Variants in SDK1 observed in about 807,000 individuals in gnomAD.
The protein encoded by SDK1 is sidekick cell adhesion molecule 1.
A neutral mutation model predicts 245.5 loss-of-function variants in SDK1; 157 were observed. The observed-to-expected ratio is 0.64, with a 90% CI of 0.56 to 0.73. The LOEUF (loss-of-function observed/expected upper bound fraction) is 0.73, where lower values mean the gene tolerates loss of function less well. SDK1 is among the 30% of genes least tolerant of loss of function. The pLI, the probability that SDK1 is intolerant of heterozygous loss-of-function variation, is 0.00. For synonymous variants in SDK1, 1,647 were observed against 1,278.5 expected, an observed-to-expected ratio of 1.29 and a Z score of -6.15; for missense variants, 3,583 against 3,002.3, an observed-to-expected ratio of 1.19 and a Z score of -4.52.
intron 1 of SDK1, among the ~76,000 whole-genome samples, chr7:3,541,789 C>T (rs1247294303): frequency 6.6e-6 from 1 of 152,104 alleles, no homozygotes; most frequent in African/African-American, 2.4e-5. Flanking sequence ...ATGACTTAGG[C>T]AAATAAGGTA....
Position 4,146,037 on chromosome 7 carries a change from G to T in SDK1, c.4423+121G>T, listed in dbSNP as rs1779951154. On this transcript the variant is annotated intron_variant, in intron 29 of 44. Coordinates refer to ENST00000404826, the MANE Select transcript of SDK1 (RefSeq NM_152744.4). ...GGCCTTCCCTTCGGAGAAAGAGAAG[G>T]GATGTGAGCATTTACAAAGCACCCA... The T allele has an allele frequency of 2.4e-6, 2 of 839,936 alleles. 1 individual carries two copies. The highest frequency in any genetic ancestry group is 3.6e-5 in the South Asian group (2 of 55,628). 52.0% of individuals were successfully genotyped at this position (839,936 alleles called of 1,614,324 possible).
chr7:3,788,733 C>T (rs1051105845), intron 4 of SDK1, among the ~76,000 whole-genome samples: 5 of 152,108 alleles, frequency 3.3e-5, no homozygotes, highest in Non-Finnish European at 5.9e-5. Context: ...CAAAGCAGTC[C>T]GCGGGTTGGG....
At chr7:3,339,359 T>C (rs1280382285) in intron 1 of SDK1, among the ~76,000 whole-genome samples, 1 of 152,084 alleles carries the variant, frequency 6.6e-6, no homozygotes, top group Non-Finnish European at 1.5e-5. Flanking sequence ...ATAACTGAAG[T>C]CTTAAACACC....
chr7:3,958,879 C>G, intron 7 of SDK1, 52 bp from the exon 8 acceptor site: 1 of 1,409,302 alleles, frequency 7.1e-7, no homozygotes. Context: ...TATATGGTCT[C>G]TGACATATCC....
chr7:3,853,819 T>C (rs1436505701), intron 5 of SDK1, among the ~76,000 whole-genome samples: 1 of 152,058 alleles, frequency 6.6e-6, no homozygotes, highest in Non-Finnish European at 1.5e-5. Flanking sequence ...TGAAACCTCC[T>C]CTCTACTAAA....
chr7:3,460,813 A>G (rs1780810729), intron 1 of SDK1, among the ~76,000 whole-genome samples: 1 of 152,326 alleles, frequency 6.6e-6, no homozygotes, highest in Non-Finnish European at 1.5e-5. Context: ...CTACTTACAG[A>G]AACCATTTTA....
chr7:3,379,756 C>A (rs1159327037), intron 1 of SDK1, among the ~76,000 whole-genome samples: 2 of 152,062 alleles, frequency 1.3e-5, no homozygotes, highest in Non-Finnish European at 2.9e-5. Context: ...CACATACATA[C>A]ATATAGGCTG....
At chr7:4,177,327 A>G (rs1446494244) in intron 34 of SDK1, among the ~76,000 whole-genome samples, 2 of 152,200 alleles carry the variant, frequency 1.3e-5, no homozygotes, top group African/African-American at 4.8e-5. Flanking sequence ...CAAGCCACCC[A>G]CAGAGCAGTG....
intron 1 of SDK1, among the ~76,000 whole-genome samples, chr7:3,317,832 G>T (rs1779700910): frequency 6.6e-6 from 1 of 152,170 alleles, no homozygotes; most frequent in African/African-American, 2.4e-5. Context: ...TAAACTAGGA[G>T]CCTAAGGTAA....
chr7:3,606,820 T>C (rs1310432516), intron 1 of SDK1, among the ~76,000 whole-genome samples: 2 of 151,660 alleles, frequency 1.3e-5, no homozygotes, highest in Non-Finnish European at 2.9e-5. Flanking sequence ...GGTGTTTCTG[T>C]TATTATTCTG....
intron 5 of SDK1, among the ~76,000 whole-genome samples, chr7:3,845,916 T>A (rs1780266631): frequency 6.6e-6 from 1 of 152,326 alleles, no homozygotes; most frequent in African/African-American, 2.4e-5. Flanking sequence ...GAAATGAAAT[T>A]TGATTTGAGC....
intron 2 of SDK1, among the ~76,000 whole-genome samples, chr7:3,621,845 A>G (rs1378488928): frequency 6.6e-6 from 1 of 152,224 alleles, no homozygotes; most frequent in Admixed American, 6.5e-5. Context: ...TTATTTGCAA[A>G]TCGTTGAATA....
chr7:4,068,240 C>T (rs921214511), intron 20 of SDK1, among the ~76,000 whole-genome samples: 2 of 152,208 alleles, frequency 1.3e-5, no homozygotes, highest in South Asian at 4.1e-4. Context: ...TGTTATGACA[C>T]ATTTGTTCAC....
chr7:3,507,346 T>C (rs1342841890), intron 1 of SDK1, among the ~76,000 whole-genome samples: 1 of 152,180 alleles, frequency 6.6e-6, no homozygotes, highest in East Asian at 1.9e-4. Context: ...ACTCCTTCTG[T>C]TTTTGTATTC....
At chr7:3,884,092 T>G (rs1781279362) in intron 5 of SDK1, among the ~76,000 whole-genome samples, 1 of 100,604 alleles carries the variant, frequency 9.9e-6, no homozygotes, top group African/African-American at 3.8e-5. Flanking sequence ...TGTTTTTTTT[T>G]TTTTTTGAGA....
At chr7:4,172,182 G>A (rs1269715830) in intron 32 of SDK1, among the ~76,000 whole-genome samples, 2 of 152,232 alleles carry the variant, frequency 1.3e-5, no homozygotes, top group African/African-American at 4.8e-5. Context: ...TCACAGGGGT[G>A]TCAGAAAGTC....
chr7:3,964,545 C>T (rs1781948103), intron 9 of SDK1, among the ~76,000 whole-genome samples: 1 of 152,116 alleles, frequency 6.6e-6, no homozygotes, highest in South Asian at 2.1e-4. Flanking sequence ...ATCCCATTAA[C>T]AGAAATACCT....
chr7:3,743,790 A>G (rs1375047523), intron 4 of SDK1, among the ~76,000 whole-genome samples: 1 of 152,070 alleles, frequency 6.6e-6, no homozygotes, highest in Non-Finnish European at 1.5e-5. Context: ...CATGATGAGA[A>G]AAACTTCTGC....
At chr7:3,905,207 C>T (rs557659594) in intron 5 of SDK1, among the ~76,000 whole-genome samples, 2 of 151,822 alleles carry the variant, frequency 1.3e-5, no homozygotes, top group East Asian at 1.9e-4. Flanking sequence ...ATAGCTACTA[C>T]GTGTTTGTTA....
Sources: gnomAD v4.1 joint callset for allele counts (sites outside exome capture counted in the v4.1 genomes callset) on GRCh38, gnomAD v4.1.1 for gene constraint, MANE v1.5 for transcripts, NCBI Gene and HGNC (gene_info 2026-07-23, HGNC 2026-07-21) for gene names.